The following SPIRE1 variants were observed in gnomAD, a reference collection of about 807,000 sequenced individuals.
SPIRE1 encodes the protein protein spire homolog 1.
A neutral mutation model predicts 94.1 loss-of-function variants in SPIRE1; 40 were observed. The observed-to-expected ratio is 0.43, with a 90% confidence interval of 0.33 to 0.55. The LOEUF (loss-of-function observed/expected upper bound fraction) is 0.55. SPIRE1 is among the 20% of genes least tolerant of loss of function. SPIRE1 has a pLI of 0.06. For synonymous variants in SPIRE1, 376 were observed against 371.7 expected, an observed-to-expected ratio of 1.01 and a Z score of -0.13; for missense variants, 838 against 975.2, an observed-to-expected ratio of 0.86 and a Z score of 1.87.
rs202162616 is a variant in SPIRE1, at chr18:12,496,028, A to G, written c.1047T>C (p.Pro349=). The part of the protein sequence containing the change: ...EIILDFIRSR[P]PLNPVSARKL... The stretch of plus-strand genomic sequence containing the variant: ...TCGAATTACATACTGGATTTAAAGG[A>G]GGTCTGGATCTGATGAAGTCGAGGA... Residue 349 remains proline (P), a synonymous_variant, in exon 7 of 17, where the codon CCT becomes CCC. Coordinates refer to ENST00000409402, the MANE Select transcript of SPIRE1 (RefSeq NM_001128626.2). The G allele has an allele frequency of 6.2e-7, 1 of 1,610,220 alleles. No homozygotes were observed.
intron 8 of SPIRE1, among the ~76,000 whole-genome samples, chr18:12,487,538 G>T (rs8085423): frequency 6.6e-6 from 1 of 151,666 alleles, no homozygotes. Flanking sequence ...GGGATTACAG[G>T]TGCCTGCCAC....
In SPIRE1 at chr18:12,466,767, T is replaced by A. The variant is rs954820798; in HGVS notation, c.1405-1809A>T. Among the ~76,000 whole-genome samples, 2 of 152,290 alleles carry A rather than the reference T, an allele frequency of 1.3e-5. 1 individual carries two copies. The highest frequency in any genetic ancestry group is 4.1e-4 in the South Asian group (2 of 4,826). On this transcript the variant is annotated intron_variant, in intron 10 of 16. Coordinates refer to ENST00000409402, the MANE Select transcript of SPIRE1 (RefSeq NM_001128626.2). ...GTGCAGGATGTGTGGGTTTGTTACATAGGTAAATGTGTGCCATGGTGGTTT... is the reference window on the plus strand; with the variant it reads ...GTGCAGGATGTGTGGGTTTGTTACAAAGGTAAATGTGTGCCATGGTGGTTT...
chr18:12,633,031 T>C (rs1375527973), intron 2 of SPIRE1, among the ~76,000 whole-genome samples: 1 of 152,184 alleles, frequency 6.6e-6, no homozygotes, highest in Non-Finnish European at 1.5e-5. Flanking sequence ...TCTTTAAAAA[T>C]TTCATAAGCT....
intron 4 of SPIRE1, among the ~76,000 whole-genome samples, chr18:12,526,065 A>ACG (rs2144130920): frequency 8.6e-6 from 1 of 116,032 alleles, no homozygotes; most frequent in South Asian, 4.5e-4. Context: ...ATACACACAC[A>ACG]CACACACACA....
chr18:12,571,387 G>T (rs2035957499), intron 2 of SPIRE1, among the ~76,000 whole-genome samples: 1 of 152,018 alleles, frequency 6.6e-6, no homozygotes, highest in African/African-American at 2.4e-5. Context: ...TATTTATTTT[G>T]AACAATTATT....
At chr18:12,625,502 A>G (rs2037595663) in intron 2 of SPIRE1, among the ~76,000 whole-genome samples, 2 of 152,242 alleles carry the variant, frequency 1.3e-5, no homozygotes, top group Non-Finnish European at 2.9e-5. Flanking sequence ...GCGTAAGATC[A>G]GGCAAAGCCA....
In SPIRE1 at chr18:12,581,183, A is replaced by G. The variant is rs139489881; in HGVS notation, c.373-34279T>C. Among the ~76,000 whole-genome samples the G allele has an allele frequency of 2.0e-5, 3 of 152,292 alleles. No individual in the cohort carries two copies. The East Asian group carries it at 5.8e-4, about 29-fold the overall frequency. On this transcript the variant is annotated intron_variant, in intron 2 of 16. Transcript: ENST00000409402. ...GACCGGCAATCCCCAAGAAAGGGGA[A>G]CAAACACACCCCACGTCATCAAAAG...
intron 3 of SPIRE1, 109 bp downstream of exon 3, chr18:12,546,565 C>A: frequency 1.2e-6 from 1 of 818,628 alleles, no homozygotes; most frequent in African/African-American, 1.7e-5. Context: ...CACACCACTG[C>A]ACTCTAGCCT....
At chr18:12,453,007 T>C in intron 14 of SPIRE1, 61 bp downstream of exon 14, 1 of 1,055,018 alleles carries the variant, frequency 9.5e-7, no homozygotes. Flanking sequence ...ATAAGGAAGA[T>C]AATTGGTATT....
chr18:12,593,739 C>G (rs765584657), intron 2 of SPIRE1, among the ~76,000 whole-genome samples: 2 of 152,134 alleles, frequency 1.3e-5, no homozygotes, highest in African/African-American at 4.8e-5. Context: ...CACCTGAGGT[C>G]AGGAGTTCAA....
chr18:12,450,851 A>C, intron 16 of SPIRE1: 1 of 735,944 alleles, frequency 1.4e-6, no homozygotes, highest in South Asian at 1.4e-5. Flanking sequence ...CTTAAATGAC[A>C]GTGAAAAGCA....
intron 9 of SPIRE1, among the ~76,000 whole-genome samples, chr18:12,481,242 A>G (rs2032829695): frequency 6.6e-6 from 1 of 152,144 alleles, no homozygotes; most frequent in South Asian, 2.1e-4. Context: ...AGGCAGGAGA[A>G]TCAAAGTGAG....
At chr18:12,609,476 T>G (rs1014962544) in intron 2 of SPIRE1, among the ~76,000 whole-genome samples, 1 of 152,138 alleles carries the variant, frequency 6.6e-6, no homozygotes, top group African/African-American at 2.4e-5. Context: ...CAAATTCAAG[T>G]AGTAACATTT....
intron 2 of SPIRE1, among the ~76,000 whole-genome samples, chr18:12,589,072 G>C (rs1481304473): frequency 6.6e-6 from 1 of 152,152 alleles, no homozygotes; most frequent in Non-Finnish European, 1.5e-5. Context: ...CATAATAGCT[G>C]ACATCTACTG....
intron 2 of SPIRE1, among the ~76,000 whole-genome samples, chr18:12,588,869 C>G (rs2036456702): frequency 6.6e-6 from 1 of 152,120 alleles, no homozygotes; most frequent in Non-Finnish European, 1.5e-5. Context: ...TAGATATAGT[C>G]AGAAGTTTTC....
chr18:12,571,575 T>C lies in SPIRE1; in HGVS notation c.373-24671A>G, dbSNP rs1054034668. 3.9e-5 allele frequency among the ~76,000 whole-genome samples: 6 copies of C among 152,222 alleles called. No homozygotes were observed. In the South Asian group the frequency reaches 8.3e-4, roughly 21 times the overall value. The stretch of plus-strand genomic sequence containing the variant: ...GACATTTTCCCCATGCTGACACTGA[T>C]TGCAACCTAACTTCATAAAATGATC... On this transcript the variant is annotated intron_variant, in intron 2 of 16. Transcript: ENST00000409402.
rs762045314 is a variant in SPIRE1, at chr18:12,506,464, C to CTTGGTTACTT, written c.972+3_972+12dup. ...GTGAGCCACATGCCCGGCCTGACAG[C>CTTGGTTACTT]TTGGTTACTTACCATCACTTTTCGC... On this transcript the variant is annotated intron_variant, in intron 6 of 16. Coordinates refer to ENST00000409402, the MANE Select transcript of SPIRE1 (RefSeq NM_001128626.2). The CTTGGTTACTT allele has an allele frequency of 1.4e-5, 22 of 1,613,232 alleles. No homozygotes were observed. The highest frequency in any genetic ancestry group is 1.9e-5 in the Non-Finnish European group (22 of 1,179,496).
intron 2 of SPIRE1, among the ~76,000 whole-genome samples, chr18:12,550,885 A>G (rs1205681852): frequency 6.6e-6 from 1 of 152,174 alleles, no homozygotes; most frequent in East Asian, 1.9e-4. Context: ...CTCAGCAACT[A>G]CTTCTCAATC....
At chr18:12,619,865 G>C (rs1168419249) in intron 2 of SPIRE1, among the ~76,000 whole-genome samples, 1 of 124,522 alleles carries the variant, frequency 8.0e-6, no homozygotes, top group Non-Finnish European at 1.8e-5. Context: ...AAAAAAAAAA[G>C]CAAGAAAATA....
Sources: gnomAD v4.1 joint callset for allele counts (sites outside exome capture counted in the v4.1 genomes callset) on GRCh38, gnomAD v4.1.1 for gene constraint, MANE v1.5 for transcripts, NCBI Gene and HGNC (gene_info 2026-07-23, HGNC 2026-07-21) for gene names.